NFX1: variants seen among roughly 807,000 people sequenced by gnomAD.
NFX1 encodes transcriptional repressor NF-X1.
In NFX1, 69 loss-of-function variants were observed where a neutral mutation model predicts 137.2. The ratio of observed to expected loss-of-function variants is 0.50; its 90% CI spans 0.41 to 0.61. The LOEUF is 0.61. NFX1 is among the 20% of genes least tolerant of loss of function. The pLI is 0.00. For synonymous variants in NFX1, 495 were observed against 474.1 expected, an observed-to-expected ratio of 1.04 and a Z score of -0.57; for missense variants, 1,167 against 1,391.0, an observed-to-expected ratio of 0.84 and a Z score of 2.56.
At chr9:33,344,618 G>A (rs1823346029) in intron 14 of NFX1, among the ~76,000 whole-genome samples, 1 of 152,162 alleles carries the variant, frequency 6.6e-6, no homozygotes, top group Non-Finnish European at 1.5e-5. Context: ...TGTAATCCCA[G>A]CACTTTGGGA....
intron 17 of NFX1, 83 bp downstream of exon 17, chr9:33,352,802 G>T (rs1823684896): frequency 8.8e-7 from 1 of 1,131,256 alleles, no homozygotes; most frequent in Admixed American, 1.9e-5. Flanking sequence ...AGCTAGTCAA[G>T]TGAAGCAGTG....
At chr9:33,314,217 C>T (rs1822070267) in intron 7 of NFX1, among the ~76,000 whole-genome samples, 1 of 152,022 alleles carries the variant, frequency 6.6e-6, no homozygotes, top group Non-Finnish European at 1.5e-5. Context: ...CTCCTGACCT[C>T]AAGTGATAAT....
At chr9:33,356,615 CTG>C (rs1174453651) in intron 19 of NFX1, among the ~76,000 whole-genome samples, 1 of 152,114 alleles carries the variant, frequency 6.6e-6, no homozygotes, top group Non-Finnish European at 1.5e-5. Flanking sequence ...TATCTAGAAA[CTG>C]TGTTATTTTA....
intron 18 of NFX1, 128 bp downstream of exon 18, chr9:33,354,315 A>G (rs1252792482): frequency 4.0e-6 from 3 of 750,088 alleles, no homozygotes; most frequent in African/African-American, 1.8e-5. Flanking sequence ...TCAATAGACA[A>G]TTTGATGTTG....
intron 12 of NFX1, among the ~76,000 whole-genome samples, chr9:33,340,852 G>C (rs1370403458): frequency 2.0e-5 from 3 of 152,178 alleles, no homozygotes; most frequent in Non-Finnish European, 4.4e-5. Context: ...CTTTGCTCCA[G>C]TTCCCAACAA....
At chr9:33,361,042 T>C (rs1316467956) in intron 19 of NFX1, among the ~76,000 whole-genome samples, 3 of 152,226 alleles carry the variant, frequency 2.0e-5, no homozygotes, top group Non-Finnish European at 4.4e-5. Context: ...TTACTCCACA[T>C]TGATCAAGAG....
At chr9:33,326,908 C>T (rs1422386547) in intron 9 of NFX1, among the ~76,000 whole-genome samples, 2 of 152,066 alleles carry the variant, frequency 1.3e-5, no homozygotes, top group Non-Finnish European at 2.9e-5. Flanking sequence ...CTGTATCTTA[C>T]TGGAGTTAGT....
intron 7 of NFX1, among the ~76,000 whole-genome samples, chr9:33,316,698 T>C (rs1822175512): frequency 6.6e-6 from 1 of 152,206 alleles, no homozygotes; most frequent in African/African-American, 2.4e-5. Context: ...TCTTTATTCA[T>C]ATGTTGATAA....
At chr9:33,356,787 C>T (rs562666598) in intron 19 of NFX1, among the ~76,000 whole-genome samples, 14 of 152,084 alleles carry the variant, frequency 9.2e-5, no homozygotes, top group Admixed American at 5.2e-4. Flanking sequence ...TCATACATCA[C>T]ATATAAGCCT....
chr9:33,326,436 AAGC>A (rs997746879), intron 9 of NFX1, among the ~76,000 whole-genome samples: 1 of 149,022 alleles, frequency 6.7e-6, no homozygotes, highest in African/African-American at 2.5e-5. Context: ...AAAAAAAAAA[AAGC>A]TGGGCACTGT....
intron 5 of NFX1, among the ~76,000 whole-genome samples, chr9:33,307,794 C>CTTTTTTTTTTTTT (rs139468485): frequency 1.2e-5 from 1 of 85,352 alleles, no homozygotes; most frequent in African/African-American, 4.4e-5. Flanking sequence ...TTCTTTCTTT[C>CTTTTTTTTTTTTT]TTTTTTTTTT....
rs543698319 is a variant in NFX1, at chr9:33,323,437, T to G, written c.1906+4310T>G. ...ACCAGATGTCAGATTTCACAAAGACTGTAGGATAATCATAATAAATATGTT... is the reference window on the plus strand; with the variant it reads ...ACCAGATGTCAGATTTCACAAAGACGGTAGGATAATCATAATAAATATGTT... On this transcript the variant is annotated intron_variant, in intron 9 of 23. Transcript: ENST00000379540. Among the ~76,000 whole-genome samples the G allele has an allele frequency of 6.6e-5, 10 of 152,202 alleles. No individual in the cohort carries two copies. The South Asian group carries it at 2.1e-3, about 32-fold the overall frequency.
At chr9:33,365,042 G>A in intron 21 of NFX1, 1 of 1,191,290 alleles carries the variant, frequency 8.4e-7, no homozygotes, top group Non-Finnish European at 1.1e-6. Context: ...GGGAGGCCAA[G>A]GCAGGCAGAT....
At position 33,366,725 on chromosome 9, in the gene NFX1, G is replaced by A. The variant is rs548766620; in HGVS notation, c.3136G>A (p.Val1046Met). 59 of 1,614,072 alleles carry A rather than the reference G, an allele frequency of 3.7e-5. No homozygotes were observed. Among genetic ancestry groups the A allele is most frequent in the Middle Eastern group, 1.6e-4 (1 of 6,084 alleles). The part of the protein sequence containing the change: ...DLAQVYGLES[V>M]SYDSEPKRNV... ...GGCCCAAGTTTATGGCCTGGAGAGCGTGAGCTATGACAGTGAACCGAAGCG... is the reference window on the plus strand; with the variant it reads ...GGCCCAAGTTTATGGCCTGGAGAGCATGAGCTATGACAGTGAACCGAAGCG... The change falls in exon 22 of 24, where the codon GTG (valine) becomes ATG (methionine). Residue 1046 changes from valine to methionine, a missense_variant. By Grantham distance (21) the Val-to-Met change is conservative. Around this residue, in one of 3 missense-constraint regions of NFX1, gnomAD observed 312 missense variants for 312.8 expected, o/e 1.00. Coordinates refer to ENST00000379540, the MANE Select transcript of NFX1 (RefSeq NM_002504.6).
chr9:33,353,912 ACTC>A (rs1823728325), intron 17 of NFX1, among the ~76,000 whole-genome samples, 171 bp from the exon 18 acceptor site: 1 of 151,358 alleles, frequency 6.6e-6, no homozygotes. Flanking sequence ...CTGGTCATGA[ACTC>A]CTGACCTCAG....
chr9:33,310,612 T>A (rs1458195820), intron 5 of NFX1, among the ~76,000 whole-genome samples: 1 of 152,192 alleles, frequency 6.6e-6, no homozygotes, highest in African/African-American at 2.4e-5. Flanking sequence ...TCAGCCTTCT[T>A]TTCACTGTTC....
intron 11 of NFX1, among the ~76,000 whole-genome samples, chr9:33,336,246 C>T (rs576063727): frequency 1.3e-5 from 2 of 152,162 alleles, no homozygotes; most frequent in African/African-American, 4.8e-5. Flanking sequence ...GATGGAGTCC[C>T]ACTCTGTTGC....
intron 9 of NFX1, among the ~76,000 whole-genome samples, chr9:33,319,951 T>C (rs1213231806): frequency 6.6e-6 from 1 of 151,466 alleles, no homozygotes; most frequent in Admixed American, 6.6e-5. Context: ...AATATTTTTC[T>C]TTTCTTTTCT....
intron 15 of NFX1, 27 bp from the exon 16 acceptor site, chr9:33,351,533 G>A (rs759119173): frequency 5.0e-6 from 8 of 1,600,952 alleles, no homozygotes; most frequent in Non-Finnish European, 6.8e-6. Flanking sequence ...ATGGAGATGA[G>A]AATCTGGCTA....
Sources: allele counts gnomAD v4.1 joint callset (sites outside exome capture counted in the v4.1 genomes callset), GRCh38; gene constraint gnomAD v4.1.1; regional missense constraint gnomAD v4.1.1; transcripts MANE v1.5; gene names NCBI Gene and HGNC (gene_info 2026-07-23, HGNC 2026-07-21).